RRAS: variants seen among roughly 807,000 people sequenced by gnomAD.
RRAS encodes the protein RAS related, also known as ras-related protein R-Ras.
Under a neutral mutation model 23.3 loss-of-function variants are expected in RRAS, and 18 were observed. The ratio of observed to expected loss-of-function variants is 0.77; its 90% confidence interval spans 0.53 to 1.15. The LOEUF (loss-of-function observed/expected upper bound fraction) is 1.15, where lower values mean the gene tolerates loss of function less well. RRAS is among the 50% of genes most tolerant of loss of function. The pLI is 0.00. For synonymous variants in RRAS, 133 were observed against 138.3 expected, an observed-to-expected ratio of 0.96 and a Z score of 0.27; for missense variants, 291 against 317.1, an observed-to-expected ratio of 0.92 and a Z score of 0.62.
intron 1 of RRAS, among the ~76,000 whole-genome samples, chr19:49,639,118 G>A (rs1172233174): frequency 2.0e-5 from 3 of 152,094 alleles, no homozygotes; most frequent in African/African-American, 7.2e-5. Flanking sequence ...TCTGGGGGCA[G>A]TCATGGAAGG....
chr19:49,638,283 G>A (rs79163916), intron 1 of RRAS, among the ~76,000 whole-genome samples: 1,926 of 152,240 alleles, frequency 0.013, 33 homozygotes, highest in East Asian at 0.068. Context: ...TGGGTGCAAG[G>A]GGCCCAGGGC....
intron 1 of RRAS, 143 bp downstream of exon 1, chr19:49,639,803 C>T: frequency 1.5e-6 from 1 of 674,596 alleles, no homozygotes; most frequent in Non-Finnish European, 2.3e-6. Context: ...GTTTAGGTTA[C>T]AATCTGTGGG....
chr19:49,639,774 G>A (rs1288678295), intron 1 of RRAS, among the ~76,000 whole-genome samples, 172 bp downstream of exon 1: 2 of 152,128 alleles, frequency 1.3e-5, no homozygotes, highest in Non-Finnish European at 2.9e-5. Flanking sequence ...CCCGTGCAGG[G>A]GATGGAGGCT....
chr19:49,636,427 A>G lies in RRAS; in HGVS notation c.453+192T>C, dbSNP rs1432418851. Reference sequence around the variant, plus strand: ...AGCAGCCTCTCCTGAGGACACTTGCATGCTAGGCCCTCTGCTCGGTGATGC... The same window carrying G: ...AGCAGCCTCTCCTGAGGACACTTGCGTGCTAGGCCCTCTGCTCGGTGATGC... On this transcript the variant is annotated intron_variant, in intron 4 of 5. Coordinates refer to ENST00000246792, the MANE Select transcript of RRAS (RefSeq NM_006270.5). This position sits in a 1 kb window ranked among gnomAD's most constrained non-coding sequence, Gnocchi z 4.5. 2.0e-5 allele frequency among the ~76,000 whole-genome samples: 3 copies of G among 152,106 alleles called. No homozygotes were observed. Among genetic ancestry groups the G allele is most frequent in the South Asian group, 2.1e-4 (1 of 4,836 alleles).
Position 49,640,051 on chromosome 19 carries a change from GC to G in RRAS, c.47del (p.Gly16AlafsTer30). 1 of 1,493,890 alleles carries G rather than the reference GC, an allele frequency of 6.7e-7. No individual in the cohort carries two copies. Among genetic ancestry groups the G allele is most frequent in the South Asian group, 1.2e-5 (1 of 80,136 alleles). The allele number at this position is 1,493,890 out of a possible 1,614,324, so 92.5% of individuals were successfully genotyped here. On this transcript the variant is annotated frameshift_variant, in exon 1 of 6. Transcript: ENST00000246792. LOFTEE classifies it high-confidence loss of function. ...GGGGGTCCCCGGGCCCAGGTCCCCC[GC>G]CCCGGGGCCGCCCCCGCCCTGTCCC... ...ASGTGRGRPR[G>X]GGPGPGDPPP...
chr19:49,639,599 G>C (rs2081012868), intron 1 of RRAS, among the ~76,000 whole-genome samples: 1 of 151,962 alleles, frequency 6.6e-6, no homozygotes, highest in African/African-American at 2.4e-5. Context: ...GGCACCAAGG[G>C]CGTGGTGGGG....
Position 49,636,587 on chromosome 19 carries a change from A to G in RRAS, c.453+32T>C, listed in dbSNP as rs2080997078. ...GCTGGAAGGAGCCTCCCAGACTGAG[A>G]TGGGGTCCCCAGAAAGAGGGGTGTC... is the stretch of plus-strand genomic sequence containing the variant. On this transcript the variant is annotated intron_variant, in intron 4 of 5. Coordinates refer to ENST00000246792, the MANE Select transcript of RRAS (RefSeq NM_006270.5). The surrounding 1 kb of genome is among the most constrained non-coding windows in gnomAD (Gnocchi z 4.5). The G allele has an allele frequency of 1.3e-6, 2 of 1,513,464 alleles. No individual in the cohort carries two copies. The highest frequency in any genetic ancestry group is 1.8e-6 in the Non-Finnish European group (2 of 1,088,294). The allele number at this position is 1,513,464 out of a possible 1,614,324, so 93.8% of individuals were successfully genotyped here.
rs192598300 is a variant in RRAS, at chr19:49,635,351, G to A, written c.*225C>T. On this transcript the variant is annotated 3_prime_UTR_variant, in exon 6 of 6. Transcript: ENST00000246792. ...GGGGAGTTATATACAGCAGTGACCC[G>A]GAGCCCCTCACCCCCACCAGGCTTA... is the stretch of plus-strand genomic sequence containing the variant. 1,514 of 373,878 alleles carry A rather than the reference G, an allele frequency of 4.0e-3. 22 individuals are homozygous for A. The South Asian group carries it at 0.041, about 10-fold the overall frequency. The allele number at this position is 373,878 out of a possible 1,614,324, so 23.2% of individuals were successfully genotyped here. A position where few individuals can be genotyped will look rare whatever the true frequency, so the allele number is the denominator to read the frequency against.
chr19:49,639,783 C>T (rs1475249309), intron 1 of RRAS, among the ~76,000 whole-genome samples, 163 bp downstream of exon 1: 1 of 152,096 alleles, frequency 6.6e-6, no homozygotes, highest in Non-Finnish European at 1.5e-5. Context: ...GGGATGGAGG[C>T]TCTCCAAGAG....
At chr19:49,637,188 T>C in intron 1 of RRAS, 58 bp from the exon 2 acceptor site, 1 of 1,322,144 alleles carries the variant, frequency 7.6e-7, no homozygotes, top group Non-Finnish European at 1.1e-6. Flanking sequence ...GACGAAGCCC[T>C]GCCCTTGGGA....
chr19:49,639,798 GGTTACA>G, intron 1 of RRAS, 142 bp downstream of exon 1: 1 of 653,922 alleles, frequency 1.5e-6, no homozygotes, highest in Non-Finnish European at 2.4e-6. Context: ...CAAGAGTTTA[GGTTACA>G]ATCTGTGGGG....
rs1249345635 is a variant in RRAS at position 49,640,033 on chromosome 19, C to T, written c.66G>A (p.Gly22=). ...GRPRGGGPGP[G]DPPPSETHKL... ...TGTGTGTCTCGCTGGGCGGGGGGTC[C>T]CCGGGCCCAGGTCCCCCGCCCCGGG... The change falls in exon 1 of 6, where the codon GGG becomes GGA. Residue 22 remains glycine, a synonymous_variant. Transcript: ENST00000246792. 6.5e-7 allele frequency: 1 copy of T among 1,540,714 alleles called. No individual in the cohort carries two copies. The highest frequency in any genetic ancestry group is 8.7e-7 in the Non-Finnish European group (1 of 1,152,138).
rs2080991682 is a variant in RRAS at position 49,635,522 on chromosome 19, T to TG, written c.*53dup. On this transcript the variant is annotated 3_prime_UTR_variant, in exon 6 of 6. Transcript: ENST00000246792. ...GAGGGCCTCAGGTCACACAGCAAGGTGCGAAGGCAGCTAGTCCCGAGAGCT... is the reference window on the plus strand; with the variant it reads ...GAGGGCCTCAGGTCACACAGCAAGGTGGCGAAGGCAGCTAGTCCCGAGAGCT... The TG allele has an allele frequency of 4.3e-6, 5 of 1,176,192 alleles. No individual in the cohort carries two copies. The highest frequency in any genetic ancestry group is 5.7e-6 in the Non-Finnish European group (5 of 869,870). 72.9% of individuals were successfully genotyped at this position (1,176,192 alleles called of 1,614,324 possible).
chr19:49,638,810 G>A (rs940636193), intron 1 of RRAS, among the ~76,000 whole-genome samples: 4 of 152,038 alleles, frequency 2.6e-5, no homozygotes, highest in African/African-American at 9.7e-5. Context: ...AGAATCTGGG[G>A]GCTTCTTCCA....
rs1233987549 is a variant in RRAS, at chr19:49,639,924, CTCCCGGGTGA to C, written c.153+12_153+21del. ...TCAGTTCTGGGTCCCGGGGGACACC[CTCCCGGGTGA>C]GGGCCCACTACCTGGATGAACTGGA... On this transcript the variant is annotated intron_variant, in intron 1 of 5. Coordinates refer to ENST00000246792, the MANE Select transcript of RRAS (RefSeq NM_006270.5). The C allele has an allele frequency of 2.5e-6, 4 of 1,568,998 alleles. No individual in the cohort carries two copies. Among genetic ancestry groups the C allele is most frequent in the Non-Finnish European group, 3.4e-6 (4 of 1,164,476 alleles).
chr19:49,639,563 A>G (rs1457323263), intron 1 of RRAS, among the ~76,000 whole-genome samples: 3 of 150,786 alleles, frequency 2.0e-5, no homozygotes, highest in Non-Finnish European at 4.4e-5. Context: ...GATTTGGGGG[A>G]GATAGGGCTC....
chr19:49,636,648 TC>T lies in RRAS; in HGVS notation c.423del (p.Asn142ThrfsTer92), dbSNP rs775018539. 1 of 1,613,950 alleles carries T rather than the reference TC, an allele frequency of 6.2e-7. No homozygotes were observed. Among genetic ancestry groups the T allele is most frequent in the Admixed American group, 1.7e-5 (1 of 60,010 alleles). On this transcript the variant is annotated frameshift_variant, in exon 4 of 6. Transcript: ENST00000246792. LOFTEE classifies it high-confidence loss of function. The surrounding 1 kb of genome is among the most constrained non-coding windows in gnomAD (Gnocchi z 4.5). The stretch of plus-strand genomic sequence containing the variant: ...CGCTGTGACTCCAGATCTGCCTTGT[TC>T]CCGACCAACACAACGGGGAAGTCGT... ...DRDDFPVVLV[G>X]NKADLESQRQ...
chr19:49,639,839 T>C (rs1333841280), intron 1 of RRAS, 107 bp downstream of exon 1: 4 of 905,850 alleles, frequency 4.4e-6, no homozygotes, highest in Non-Finnish European at 4.9e-6. Flanking sequence ...GAGGGCCTTA[T>C]AGGAGGGTCT....
chr19:49,637,043 T>C lies in RRAS; in HGVS notation c.241A>G (p.Ile81Val), dbSNP rs139746278. Residue 81 changes from isoleucine to valine, a missense_variant and splice_region_variant, in exon 2 of 6, where the codon ATC becomes GTC. Ile to Val is a conservative substitution (Grantham distance 29). Coordinates refer to ENST00000246792, the MANE Select transcript of RRAS (RefSeq NM_006270.5). ...CATCATCCATCCTTGCCGCCCTCAC[T>C]GTCCAGCCGGGCTGGGATGCCATCC... is the stretch of plus-strand genomic sequence containing the variant. The part of the protein sequence containing the change: ...SVDGIPARLD[I>V]LDTAGQEEFG... 1.2e-6 allele frequency: 2 copies of C among 1,613,440 alleles called. No homozygotes were observed. Among genetic ancestry groups the C allele is most frequent in the Non-Finnish European group, 1.7e-6 (2 of 1,179,752 alleles).
Sources: allele counts gnomAD v4.1 joint callset (sites outside exome capture counted in the v4.1 genomes callset), GRCh38; gene constraint gnomAD v4.1.1; non-coding constraint Gnocchi (gnomAD v3.1); transcripts MANE v1.5; gene names NCBI Gene and HGNC (gene_info 2026-07-23, HGNC 2026-07-21).